The following UBE2D3 variants were observed in gnomAD, a reference collection of about 807,000 sequenced individuals.
The protein encoded by UBE2D3 is ubiquitin-conjugating enzyme E2 D3.
Under a neutral mutation model 22.8 loss-of-function variants are expected in UBE2D3, and 2 were observed. The ratio of observed to expected loss-of-function variants is 0.09; its 90% CI spans 0.04 to 0.28. UBE2D3 has a LOEUF of 0.28. Among genes scored for constraint, UBE2D3 ranks in the 10% least tolerant of loss-of-function variants. The pLI is 1.00. For missense variants in UBE2D3, 27 were observed against 182.5 expected, an observed-to-expected ratio of 0.15 and a Z score of 4.91; for synonymous variants, 56 against 60.4, an observed-to-expected ratio of 0.93 and a Z score of 0.34.
intron 1 of UBE2D3, among the ~76,000 whole-genome samples, chr4:102,848,567 C>A (rs1198520222): frequency 1.3e-5 from 2 of 152,024 alleles, no homozygotes; most frequent in Admixed American, 6.6e-5. Context: ...ATCGCATGAA[C>A]CTGGGAGGCG....
At chr4:102,840,832 C>T (rs759951904) in intron 1 of UBE2D3, among the ~76,000 whole-genome samples, 2 of 151,946 alleles carry the variant, frequency 1.3e-5, no homozygotes, top group East Asian at 1.9e-4. Flanking sequence ...TATTATATAT[C>T]GATTTTTTTA....
intron 1 of UBE2D3, among the ~76,000 whole-genome samples, chr4:102,852,062 C>T (rs1732386843): frequency 6.7e-6 from 1 of 148,822 alleles, no homozygotes; most frequent in Non-Finnish European, 1.5e-5. Context: ...ACTATTGGCC[C>T]ATGGGTCGTA....
At chr4:102,845,021 CAAAA>C (rs386401015) in intron 1 of UBE2D3, among the ~76,000 whole-genome samples, 11 of 93,618 alleles carry the variant, frequency 1.2e-4, no homozygotes, top group Admixed American at 1.2e-4. Flanking sequence ...GACTCCATCT[CAAAA>C]AAAAAAAAAA....
At chr4:102,805,804 A>G (rs1282120608) in intron 4 of UBE2D3, among the ~76,000 whole-genome samples, 1 of 152,080 alleles carries the variant, frequency 6.6e-6, no homozygotes, top group Non-Finnish European at 1.5e-5. Context: ...CTCTACTTGG[A>G]TATCTCATGT....
chr4:102,846,203 G>A (rs570403174), intron 1 of UBE2D3, among the ~76,000 whole-genome samples: 43 of 152,234 alleles, frequency 2.8e-4, no homozygotes, highest in African/African-American at 8.4e-4. Flanking sequence ...ATCATCTCTC[G>A]CAAACAAAGA....
intron 1 of UBE2D3, among the ~76,000 whole-genome samples, chr4:102,849,122 C>CT (rs1732204098): frequency 6.6e-6 from 1 of 151,506 alleles, no homozygotes; most frequent in African/African-American, 2.4e-5. Context: ...AATCCCAGCA[C>CT]TTTGAGAAGC....
intron 5 of UBE2D3, chr4:102,801,818 G>T (rs1037719871): frequency 7.5e-6 from 2 of 265,576 alleles, no homozygotes; most frequent in Non-Finnish European, 1.4e-5. Flanking sequence ...ACCATATCAT[G>T]AATCAAAGGG....
At chr4:102,831,049 G>A (rs1264107903), upstream of UBE2D3, among the ~76,000 whole-genome samples, 2 of 152,078 alleles carry the variant, frequency 1.3e-5, no homozygotes, top group African/African-American at 4.8e-5. Flanking sequence ...ACTTAATATT[G>A]TATCTATGTT....
chr4:102,812,254 G>A (rs942699988), intron 2 of UBE2D3: 1 of 152,670 alleles, frequency 6.6e-6, no homozygotes, highest in African/African-American at 2.4e-5. Flanking sequence ...TGCTGGTGGA[G>A]AGCCACTGCA....
chr4:102,827,509 C>T lies in UBE2D3; in HGVS notation c.-211G>A, dbSNP rs1489400424. ...GGTGCCTCCCCGGCCCTACGGGGCT[C>T]ACGCGCACGACACAGCCACAAGATG... is the stretch of plus-strand genomic sequence containing the variant. On this transcript the variant is annotated 5_prime_UTR_variant, in exon 1 of 8. Coordinates refer to ENST00000453744, the MANE Select transcript of UBE2D3 (RefSeq NM_181891.3). 3.0e-6 allele frequency: 3 copies of T among 986,052 alleles called. No homozygotes were observed. Among genetic ancestry groups the T allele is most frequent in the African/African-American group, 1.7e-5 (1 of 57,256 alleles). 61.1% of individuals were successfully genotyped at this position (986,052 alleles called of 1,614,324 possible). A position where few individuals can be genotyped will look rare whatever the true frequency, so the allele number is the denominator to read the frequency against.
At chr4:102,822,049 T>A (rs1268331332) in intron 2 of UBE2D3, among the ~76,000 whole-genome samples, 3 of 152,244 alleles carry the variant, frequency 2.0e-5, no homozygotes, top group Non-Finnish European at 4.4e-5. Flanking sequence ...AAAGATTGCC[T>A]GTCTTGGATA....
chr4:102,808,201 C>CA lies in UBE2D3; in HGVS notation c.120+1470dup, dbSNP rs528860351. Among the ~76,000 whole-genome samples the CA allele has an allele frequency of 1.9e-3, 291 of 152,228 alleles. 1 individual carries two copies. The highest frequency in any genetic ancestry group is 6.7e-3 in the African/African-American group (279 of 41,540). On this transcript the variant is annotated intron_variant, in intron 4 of 7. Coordinates refer to ENST00000453744, the MANE Select transcript of UBE2D3 (RefSeq NM_181891.3). The stretch of plus-strand genomic sequence containing the variant: ...ACATATCCCATCTAAAAAAGGGAGG[C>CA]AGCTGTCATTCCATCCCAAGCCATT...
At chr4:102,868,751 A>G (rs762188664) in exon 1 of UBE2D3, 74 of 1,613,974 alleles carry the variant, frequency 4.6e-5, no homozygotes, top group Non-Finnish European at 5.8e-5. Context: ...GCATTCTCAC[A>G]TGCTTATCTC....
chr4:102,842,609 C>G (rs1042061957), intron 1 of UBE2D3, among the ~76,000 whole-genome samples: 2 of 151,780 alleles, frequency 1.3e-5, no homozygotes, highest in African/African-American at 4.8e-5. Context: ...TGGTTTTGAT[C>G]ATACTTCTGC....
At chr4:102,797,594 A>G in intron 7 of UBE2D3, 134 bp from the exon 8 acceptor site, 1 of 573,438 alleles carries the variant, frequency 1.7e-6, no homozygotes, top group Non-Finnish European at 2.8e-6. Flanking sequence ...TTAGAATAAA[A>G]GCCAACAAGG....
At chr4:102,867,672 G>A (rs554649354) in intron 1 of UBE2D3, among the ~76,000 whole-genome samples, 9 of 152,024 alleles carry the variant, frequency 5.9e-5, no homozygotes, top group Non-Finnish European at 1.3e-4. Flanking sequence ...GGCAGCACAC[G>A]CCTGTAAACC....
intron 2 of UBE2D3, among the ~76,000 whole-genome samples, chr4:102,813,743 A>G (rs1395521813): frequency 6.6e-6 from 1 of 152,234 alleles, no homozygotes; most frequent in Admixed American, 6.5e-5. Context: ...CAGTAACCTG[A>G]AAAGTTAAAA....
chr4:102,835,301 T>C (rs1731332239), intron 1 of UBE2D3, among the ~76,000 whole-genome samples: 1 of 152,220 alleles, frequency 6.6e-6, no homozygotes, highest in South Asian at 2.1e-4. Flanking sequence ...AGTGTTTACA[T>C]TGTACTAAGT....
At chr4:102,854,117 C>A (rs527446078) in intron 1 of UBE2D3, among the ~76,000 whole-genome samples, 1 of 152,240 alleles carries the variant, frequency 6.6e-6, no homozygotes, top group South Asian at 2.1e-4. Flanking sequence ...CCCATCCATT[C>A]TTCTGTTGAA....
Sources: gnomAD v4.1 joint callset for allele counts (sites outside exome capture counted in the v4.1 genomes callset) on GRCh38, gnomAD v4.1.1 for gene constraint, MANE v1.5 for transcripts, NCBI Gene and HGNC (gene_info 2026-07-23, HGNC 2026-07-21) for gene names.